Variants in A3GALT2 observed in about 807,000 individuals in gnomAD.
The protein encoded by A3GALT2 is alpha-1,3-galactosyltransferase 2.
A neutral mutation model predicts 16.6 loss-of-function variants in A3GALT2; 14 were observed. The ratio of observed to expected loss-of-function variants is 0.84; its 90% CI spans 0.56 to 1.32. The LOEUF (loss-of-function observed/expected upper bound fraction) is 1.32, where lower values mean the gene tolerates loss of function less well. A3GALT2 is among the 40% of genes most tolerant of loss of function. The pLI is 0.00. For missense variants in A3GALT2, 600 were observed against 490.9 expected (o/e 1.22, Z -2.10); for synonymous variants, 253 against 218.0 (o/e 1.16, Z -1.42).
Position 33,312,125 on chromosome 1 carries a change from C to T in A3GALT2, c.262G>A (p.Asp88Asn), listed in dbSNP as rs143584494. The change falls in exon 4 of 5, where the codon GAC (aspartate) becomes AAC (asparagine). Residue 88 changes from aspartate to asparagine, a missense_variant. By Grantham distance (23) the Asp-to-Asn change is conservative (BLOSUM62 1). Coordinates refer to ENST00000442999, the MANE Select transcript of A3GALT2 (RefSeq NM_001080438.1). Reference sequence around the variant, plus strand: ...GCCTCTTGCTTGGCCACATCTGGGTCGAAAGAGCCATCCCAAATAATGGGA... The same window carrying T: ...GCCTCTTGCTTGGCCACATCTGGGTTGAAAGAGCCATCCCAAATAATGGGA... ...GAPIIWDGSF[D>N]PDVAKQEARQ... 2,342 of 1,613,578 alleles carry T rather than the reference C, an allele frequency of 1.5e-3. 39 individuals carry two copies. The African/African-American group carries it at 0.028, about 19-fold the overall frequency.
intron 4 of A3GALT2, 111 bp from the exon 5 acceptor site, chr1:33,307,564 C>T (rs1252758496): frequency 1.2e-6 from 1 of 815,774 alleles, no homozygotes; most frequent in East Asian, 3.7e-5. Context: ...CCCACCCCAC[C>T]CTCACCCCCA....
In A3GALT2 at chr1:33,320,201, A is replaced by T. The variant is rs1351853602; in HGVS notation, c.23+875T>A. Among the ~76,000 whole-genome samples the T allele has an allele frequency of 6.6e-6, 1 of 151,518 alleles. No individual in the cohort carries two copies. The highest frequency in any genetic ancestry group is 2.4e-5 in the African/African-American group (1 of 41,228). ...CTCTGGTTCCTAGAAGCCTGGTCAA[A>T]CCCCGTACTGGGAGCTGGCAAGGCT... On this transcript the variant is annotated intron_variant, in intron 1 of 4. Transcript: ENST00000442999. This position sits in a 1 kb window ranked among gnomAD's most constrained non-coding sequence, Gnocchi z 4.3.
Position 33,312,254 on chromosome 1 carries a change from C to G in A3GALT2, c.198-65G>C, listed in dbSNP as rs1398790758. 3.1e-6 allele frequency: 5 copies of G among 1,592,760 alleles called. No homozygotes were observed. In the African/African-American group the frequency reaches 6.7e-5, roughly 21 times the overall value. On this transcript the variant is annotated intron_variant, in intron 3 of 4. Transcript: ENST00000442999. ...CATCCACCCACTTGGTGCATGTTCA[C>G]TGCCACCTCCCCAGTGCTGAGCCCT...
rs1646276380 is a variant in A3GALT2, at chr1:33,319,621, G to A, written c.23+1455C>T. ...TCCTATAGGCCAGTGGTGCACCTGCGCACGTGGCCTGCACTCCAGCAGCAG... is the reference window on the plus strand; with the variant it reads ...TCCTATAGGCCAGTGGTGCACCTGCACACGTGGCCTGCACTCCAGCAGCAG... On this transcript the variant is annotated intron_variant, in intron 1 of 4. Coordinates refer to ENST00000442999, the MANE Select transcript of A3GALT2 (RefSeq NM_001080438.1). 2.6e-5 allele frequency among the ~76,000 whole-genome samples: 4 copies of A among 151,796 alleles called. No homozygotes were observed. The South Asian group carries it at 6.2e-4, about 24-fold the overall frequency.
chr1:33,315,071 A>G (rs1161757104), intron 1 of A3GALT2, among the ~76,000 whole-genome samples: 1 of 151,952 alleles, frequency 6.6e-6, no homozygotes, highest in East Asian at 1.9e-4. Flanking sequence ...ACGGAGCAAG[A>G]CCCTGCCTCT....
chr1:33,310,380 G>C (rs1204654985), intron 4 of A3GALT2, among the ~76,000 whole-genome samples: 1 of 151,976 alleles, frequency 6.6e-6, no homozygotes, highest in Admixed American at 6.6e-5. Flanking sequence ...AGAGGGAGAG[G>C]GGAATTATTT....
intron 4 of A3GALT2, among the ~76,000 whole-genome samples, chr1:33,311,439 C>A (rs887957364): frequency 6.6e-6 from 1 of 152,150 alleles, no homozygotes; most frequent in Non-Finnish European, 1.5e-5. Flanking sequence ...GTGATTACCA[C>A]CCCCAACCCA....
chr1:33,310,506 A>T (rs1646228531), intron 4 of A3GALT2, among the ~76,000 whole-genome samples: 1 of 152,252 alleles, frequency 6.6e-6, no homozygotes. Flanking sequence ...AAATAGTAGT[A>T]ACAGTGCCTA....
At chr1:33,315,747 C>G (rs1187521532) in intron 1 of A3GALT2, among the ~76,000 whole-genome samples, 1 of 152,218 alleles carries the variant, frequency 6.6e-6, no homozygotes, top group Admixed American at 6.5e-5. Context: ...AGGAGATAAT[C>G]TTCAGAATGA....
At position 33,307,169 on chromosome 1, in the gene A3GALT2, G is replaced by A. The variant is rs371895085; in HGVS notation, c.620C>T (p.Thr207Ile). 6.4e-7 allele frequency: 1 copy of A among 1,553,898 alleles called. No homozygotes were observed. The highest frequency in any genetic ancestry group is 8.7e-7 in the Non-Finnish European group (1 of 1,153,306). Residue 207 changes from threonine to isoleucine, a missense_variant, in exon 5 of 5, where the codon ACT becomes ATT. By Grantham distance (89) the Thr-to-Ile change is moderately conservative. Coordinates refer to ENST00000442999, the MANE Select transcript of A3GALT2 (RefSeq NM_001080438.1). ...CMDVDQHFSGTFGPEALAESV... is the reference protein window; with the variant it reads ...CMDVDQHFSGIFGPEALAESV... ...CTCGGCCAGCGCCTCGGGCCCAAAA[G>A]TGCCGCTGAAGTGCTGGTCCACGTC... is the stretch of plus-strand genomic sequence containing the variant.
intron 4 of A3GALT2, among the ~76,000 whole-genome samples, chr1:33,307,725 A>C (rs1036156005): frequency 2.5e-4 from 1 of 3,954 alleles, no homozygotes. Context: ...ACCTCACCCC[A>C]CTCCCACCTC....
intron 4 of A3GALT2, among the ~76,000 whole-genome samples, chr1:33,309,457 T>TCCCGGATG (rs1281508735): frequency 2.7e-5 from 4 of 150,072 alleles, no homozygotes; most frequent in Non-Finnish European, 4.4e-5. Context: ...CCCACGTCCC[T>TCCCGGATG]CCCGGATGGG....
At chr1:33,316,586 G>C (rs1392614134) in intron 1 of A3GALT2, among the ~76,000 whole-genome samples, 1 of 152,022 alleles carries the variant, frequency 6.6e-6, no homozygotes, top group Non-Finnish European at 1.5e-5. Flanking sequence ...CAGCCCCTGG[G>C]AGGTATCAGG....
intron 4 of A3GALT2, among the ~76,000 whole-genome samples, chr1:33,308,752 T>TTTG: frequency 2.8e-5 from 2 of 72,062 alleles, no homozygotes; most frequent in Admixed American, 1.2e-4. Flanking sequence ...TCAAAGTTGT[T>TTTG]TTTTTTTTTT....
chr1:33,320,700 AC>A lies in A3GALT2; in HGVS notation c.23+375del, dbSNP rs1031373724. On this transcript the variant is annotated intron_variant, in intron 1 of 4. Transcript: ENST00000442999. This position sits in a 1 kb window ranked among gnomAD's most constrained non-coding sequence, Gnocchi z 4.3. ...AGGGGGCACAGGTTCCTAGTCCTGG[AC>A]CATCAGTCCCAGTGGGGATAGAGGG... Among the ~76,000 whole-genome samples the A allele has an allele frequency of 2.0e-5, 3 of 151,994 alleles. No individual in the cohort carries two copies. Among genetic ancestry groups the A allele is most frequent in the African/African-American group, 7.2e-5 (3 of 41,424 alleles).
chr1:33,320,941 G>A lies in A3GALT2; in HGVS notation c.23+135C>T. On this transcript the variant is annotated intron_variant, in intron 1 of 4. Coordinates refer to ENST00000442999, the MANE Select transcript of A3GALT2 (RefSeq NM_001080438.1). The surrounding 1 kb of genome is among the most constrained non-coding windows in gnomAD (Gnocchi z 4.3). ...CCCTCTCGGAGCCACCTTTCCCCAGGACTGGAGGCTCAGCTGGTACTCCTG... is the reference window on the plus strand; with the variant it reads ...CCCTCTCGGAGCCACCTTTCCCCAGAACTGGAGGCTCAGCTGGTACTCCTG... The A allele has an allele frequency of 8.6e-7, 1 of 1,158,548 alleles. No homozygotes were observed. 71.8% of individuals were successfully genotyped at this position (1,158,548 alleles called of 1,614,324 possible).
chr1:33,316,000 T>C (rs1273066273), intron 1 of A3GALT2, among the ~76,000 whole-genome samples: 1 of 152,150 alleles, frequency 6.6e-6, no homozygotes, highest in Non-Finnish European at 1.5e-5. Context: ...CACGGCACAA[T>C]GAATGCTGTG....
intron 4 of A3GALT2, among the ~76,000 whole-genome samples, chr1:33,310,830 C>T (rs4653015): frequency 0.31 from 47,814 of 152,110 alleles, 8,353 homozygotes; most frequent in African/African-American, 0.47. Context: ...GGGGCAGGAA[C>T]GCCCTACTCC....
chr1:33,308,750 G>GTTTTT (rs56655319), intron 4 of A3GALT2, among the ~76,000 whole-genome samples: 11 of 46,118 alleles, frequency 2.4e-4, no homozygotes, highest in African/African-American at 3.7e-4. Flanking sequence ...TGTCAAAGTT[G>GTTTTT]TTTTTTTTTT....
Sources: allele counts gnomAD v4.1 joint callset (sites outside exome capture counted in the v4.1 genomes callset), GRCh38; gene constraint gnomAD v4.1.1; non-coding constraint Gnocchi (gnomAD v3.1); transcripts MANE v1.5; gene names NCBI Gene and HGNC (gene_info 2026-07-23, HGNC 2026-07-21).